Variants in BRF1 observed in about 807,000 individuals in gnomAD.
The protein encoded by BRF1 is BRF1 general transcription factor IIIB subunit.
BRF1 carries 59 observed loss-of-function variants against 81.7 expected under a neutral mutation model. The observed-to-expected ratio is 0.72, with a 90% CI of 0.59 to 0.90. BRF1 has a LOEUF of 0.90. BRF1 is among the 40% of genes least tolerant of loss of function. BRF1 has a pLI of 0.00. For synonymous variants in BRF1, 491 were observed against 395.6 expected, an observed-to-expected ratio of 1.24 and a Z score of -2.86; for missense variants, 1,050 against 936.3, an observed-to-expected ratio of 1.12 and a Z score of -1.58.
intron 2 of BRF1, among the ~76,000 whole-genome samples, chr14:105,279,295 C>T (rs970202743): frequency 6.6e-5 from 10 of 151,980 alleles, no homozygotes; most frequent in African/African-American, 1.4e-4. Context: ...GAGGAGGATT[C>T]GAAACATGTA....
intron 5 of BRF1, among the ~76,000 whole-genome samples, chr14:105,251,785 G>A (rs1350772619): frequency 6.6e-6 from 1 of 151,926 alleles, no homozygotes; most frequent in Non-Finnish European, 1.5e-5. Context: ...AGAAAGGGTA[G>A]GTCAGAACCA....
Position 105,286,386 on chromosome 14 carries a change from CAA to C in BRF1, c.185-12_185-11del, listed in dbSNP as rs1377600647. The C allele has an allele frequency of 1.2e-6, 2 of 1,610,134 alleles. No homozygotes were observed. Among genetic ancestry groups the C allele is most frequent in the African/African-American group, 1.3e-5 (1 of 74,856 alleles). On this transcript the variant is annotated splice_polypyrimidine_tract_variant and intron_variant, in intron 1 of 17. Transcript: ENST00000547530. ...GGGGTTTTGCCAGCACCTGGAAACA[CAA>C]AAAAAGACAGATCAGCCAAAACTTG...
intron 1 of BRF1, among the ~76,000 whole-genome samples, chr14:105,298,146 CA>C (rs1176534292): frequency 1.3e-5 from 2 of 152,100 alleles, no homozygotes; most frequent in African/African-American, 2.4e-5. Flanking sequence ...GCAGATATTC[CA>C]AAATCAGAAA....
intron 5 of BRF1, chr14:105,248,047 G>A (rs914340289): frequency 3.0e-6 from 3 of 985,362 alleles, no homozygotes; most frequent in Non-Finnish European, 1.2e-6. Flanking sequence ...CCACCCGCCG[G>A]CTGTGTGACC....
intron 15 of BRF1, among the ~76,000 whole-genome samples, chr14:105,214,788 C>T (rs925120904): frequency 1.3e-5 from 2 of 152,216 alleles, no homozygotes; most frequent in Non-Finnish European, 2.9e-5. Flanking sequence ...GGCAGTGCCT[C>T]CTCAGCTGAA....
intron 1 of BRF1, among the ~76,000 whole-genome samples, chr14:105,295,303 CAAAAAA>C (rs869251134): frequency 1.4e-3 from 50 of 36,586 alleles, no homozygotes; most frequent in South Asian, 6.9e-3. Flanking sequence ...CACATCTCTA[CAAAAAA>C]AAAAAAAAAA....
chr14:105,259,377 C>T (rs587715011), intron 3 of BRF1, among the ~76,000 whole-genome samples: 3 of 141,594 alleles, frequency 2.1e-5, no homozygotes, highest in Non-Finnish European at 4.6e-5. Flanking sequence ...CCCAAGAGGT[C>T]GAGGTTGCAG....
At chr14:105,289,205 T>C (rs1285652041) in intron 1 of BRF1, among the ~76,000 whole-genome samples, 1 of 150,500 alleles carries the variant, frequency 6.6e-6, no homozygotes, top group Non-Finnish European at 1.5e-5. Flanking sequence ...GAGCGGGGTA[T>C]GGTAGGGCAT....
chr14:105,269,886 ACAAGGGAGGCAGGGC>A lies in BRF1; in HGVS notation c.439+2820_439+2834del, dbSNP rs2056587457. ...CAGTCCCCACACAGCTCCTACAAAC[ACAAGGGAGGCAGGGC>A]CATGGGCTGACCCTGGGCTCTGCTC... On this transcript the variant is annotated intron_variant, in intron 3 of 17. Transcript: ENST00000547530. This position sits in a 1 kb window ranked among gnomAD's most constrained non-coding sequence, Gnocchi z 5.0. 6.6e-6 allele frequency among the ~76,000 whole-genome samples: 1 copy of A among 152,066 alleles called. No homozygotes were observed. The highest frequency in any genetic ancestry group is 1.5e-5 in the Non-Finnish European group (1 of 67,984).
At chr14:105,246,483 C>A (rs1042080517) in intron 5 of BRF1, among the ~76,000 whole-genome samples, 3 of 151,854 alleles carry the variant, frequency 2.0e-5, no homozygotes, top group Non-Finnish European at 4.4e-5. Flanking sequence ...TTAAGACCAG[C>A]CTGGTCAACG....
In BRF1 at chr14:105,218,191, G is replaced by A. The variant is rs192206657; in HGVS notation, c.1516-391C>T. Among the ~76,000 whole-genome samples, 42 of 152,230 alleles carry A rather than the reference G, an allele frequency of 2.8e-4. 1 individual carries two copies. The East Asian group carries it at 7.1e-3, about 26-fold the overall frequency. ...CAGAGATGGCTACTCAGTGAAGACA[G>A]ACAATCCACCCCAGCACCGCTGCCC... On this transcript the variant is annotated intron_variant, in intron 14 of 17. Coordinates refer to ENST00000547530, the MANE Select transcript of BRF1 (RefSeq NM_001519.4).
At chr14:105,285,122 G>A (rs146595014) in intron 2 of BRF1, among the ~76,000 whole-genome samples, 160 of 152,306 alleles carry the variant, frequency 1.1e-3, no homozygotes, top group African/African-American at 3.5e-3. Flanking sequence ...CGCAATCCCC[G>A]TCAAAATCCC....
intron 5 of BRF1, chr14:105,241,653 C>T (rs2054657369): frequency 6.9e-6 from 4 of 579,554 alleles, no homozygotes; most frequent in South Asian, 3.9e-5. Context: ...CACGCTAGGG[C>T]CAGGCAGCGT....
Position 105,226,160 on chromosome 14 carries a change from A to C in BRF1, c.957T>G (p.Gly319=). The C allele has an allele frequency of 1.2e-6, 2 of 1,613,956 alleles. No individual in the cohort carries two copies. The highest frequency in any genetic ancestry group is 1.7e-6 in the Non-Finnish European group (2 of 1,180,002). ...TTGCATCCTGGTAACTGGATATTTC[A>C]CCTGAAGTCATAAGTTAAAAGCAAA... The part of the protein sequence containing the change: ...VLSKKLEEVE[G]EISSYQDAIE... The change falls in exon 10 of 18, where the codon GGT becomes GGG. Residue 319 remains glycine, a splice_region_variant and synonymous_variant. Transcript: ENST00000547530.
chr14:105,220,061 C>T lies in BRF1; in HGVS notation c.1377+8G>A. The T allele has an allele frequency of 6.2e-7, 1 of 1,611,992 alleles. No individual in the cohort carries two copies. The highest frequency in any genetic ancestry group is 1.1e-5 in the South Asian group (1 of 91,088). On this transcript the variant is annotated splice_region_variant and intron_variant, in intron 12 of 17. Coordinates refer to ENST00000547530, the MANE Select transcript of BRF1 (RefSeq NM_001519.4). The stretch of plus-strand genomic sequence containing the variant: ...CAGCCCCTCTTGGGAAGGGGTGCTG[C>T]CACGTACCCTGTCAATCTCCAGGTC...
At chr14:105,249,193 C>A in intron 5 of BRF1, 1 of 1,588,872 alleles carries the variant, frequency 6.3e-7, no homozygotes, top group Admixed American at 1.7e-5. Context: ...TCATGGCCGA[C>A]GTGCACTTCG....
intron 15 of BRF1, chr14:105,212,403 G>T: frequency 1.9e-6 from 1 of 513,896 alleles, no homozygotes; most frequent in South Asian, 2.4e-5. Context: ...CACAGAAGCT[G>T]CAGACGCCCC....
chr14:105,240,624 C>G (rs368307187), intron 6 of BRF1, among the ~76,000 whole-genome samples: 2 of 11,790 alleles, frequency 1.7e-4, no homozygotes, highest in Non-Finnish European at 3.6e-4. Flanking sequence ...AGAGAGAGGC[C>G]ACACCACTGT....
intron 1 of BRF1, among the ~76,000 whole-genome samples, chr14:105,295,149 G>A (rs1454237377): frequency 1.3e-5 from 2 of 151,916 alleles, no homozygotes; most frequent in East Asian, 1.9e-4. Context: ...AATATCCCAC[G>A]CAAGCATCAG....
Sources: gnomAD v4.1 joint callset for allele counts (sites outside exome capture counted in the v4.1 genomes callset) on GRCh38, gnomAD v4.1.1 for gene constraint, Gnocchi (gnomAD v3.1) non-coding constraint, MANE v1.5 for transcripts, NCBI Gene and HGNC (gene_info 2026-07-23, HGNC 2026-07-21) for gene names.